Variants in CYSTM1 observed in about 807,000 individuals in gnomAD.
CYSTM1 encodes the protein cysteine rich transmembrane module containing 1.
CYSTM1 carries 4 observed loss-of-function variants against 13.1 expected under a neutral mutation model. That is an observed-to-expected ratio of 0.31 (90% CI 0.15 to 0.70). The LOEUF is 0.70. CYSTM1 is among the 30% of genes least tolerant of loss of function. The pLI is 0.72. For missense variants in CYSTM1, 96 were observed against 121.6 expected, an observed-to-expected ratio of 0.79 and a Z score of 0.99; for synonymous variants, 36 against 42.7, an observed-to-expected ratio of 0.84 and a Z score of 0.62.
chr5:140,237,676 C>G (rs1764698469), intron 2 of CYSTM1, among the ~76,000 whole-genome samples: 1 of 152,192 alleles, frequency 6.6e-6, no homozygotes, highest in Non-Finnish European at 1.5e-5. Context: ...CCTTGTCAGG[C>G]TGGTCCAGCA....
intron 1 of CYSTM1, among the ~76,000 whole-genome samples, chr5:140,179,910 G>C (rs1192917960): frequency 1.3e-5 from 2 of 152,036 alleles, no homozygotes; most frequent in African/African-American, 4.8e-5. Flanking sequence ...TGATCCACCC[G>C]CCTCAGCCTC....
Position 140,227,982 on chromosome 5 carries a change from C to T in CYSTM1, c.188-15323C>T, listed in dbSNP as rs145486382. Among the ~76,000 whole-genome samples, 138 of 152,254 alleles carry T rather than the reference C, an allele frequency of 9.1e-4. 1 individual carries two copies. The highest frequency in any genetic ancestry group is 6.3e-3 in the Admixed American group (96 of 15,306). ...GTACAAATAAAATAGATGCACTGCT[C>T]CAGACCTTGCTTTCATCCCTTAAAT... On this transcript the variant is annotated intron_variant, in intron 2 of 2. Transcript: ENST00000261811.
intron 2 of CYSTM1, among the ~76,000 whole-genome samples, chr5:140,226,492 TATAATATATATAAATATATATTA>T (rs1255657138): frequency 8.9e-6 from 1 of 112,002 alleles, no homozygotes; most frequent in Admixed American, 1.2e-4. Context: ...TTTATATATA[TATAATATATATAAATATATATTA>T]ATAATATATA....
chr5:140,238,708 T>C (rs1463053818), intron 2 of CYSTM1, among the ~76,000 whole-genome samples: 2 of 152,234 alleles, frequency 1.3e-5, no homozygotes, highest in Non-Finnish European at 2.9e-5. Context: ...TTTTTACTTA[T>C]TGGGAAAATG....
rs748399251 is a variant in CYSTM1, at chr5:140,194,649, A to G, written c.184A>G (p.Thr62Ala). Residue 62 changes from threonine to alanine, a missense_variant, in exon 2 of 3, where the codon ACA (threonine) becomes GCA (alanine). Coordinates refer to ENST00000261811, the MANE Select transcript of CYSTM1 (RefSeq NM_032412.4). ...QGGPQEPPKT[T>A]VYVVEDQRRD... ...TGGACCTCAGGAGCCTCCTAAAACC[A>G]CAGGTGTGTGTCTCTGAATATGTGG... 6.2e-7 allele frequency: 1 copy of G among 1,610,952 alleles called. No homozygotes were observed. The highest frequency in any genetic ancestry group is 8.5e-7 in the Non-Finnish European group (1 of 1,178,960).
chr5:140,226,586 T>TTTTATATATATATATATATATATATA (rs754744617), intron 2 of CYSTM1, among the ~76,000 whole-genome samples: 1 of 75,312 alleles, frequency 1.3e-5, no homozygotes, highest in African/African-American at 4.9e-5. Context: ...ATACTAAATA[T>TTTTATATATATATATATATATATATA]TATATATATA....
chr5:140,188,696 G>A (rs901910862), intron 1 of CYSTM1, among the ~76,000 whole-genome samples: 42 of 150,776 alleles, frequency 2.8e-4, no homozygotes, highest in African/African-American at 8.5e-4. Context: ...GGAGACTGGC[G>A]TGAACCCGGA....
At chr5:140,185,801 T>C (rs1398856622) in intron 1 of CYSTM1, among the ~76,000 whole-genome samples, 9 of 152,228 alleles carry the variant, frequency 5.9e-5, no homozygotes, top group African/African-American at 1.7e-4. Context: ...GAATGCCTAT[T>C]GTTGTGACTT....
intron 2 of CYSTM1, among the ~76,000 whole-genome samples, chr5:140,197,567 C>A (rs1337519944): frequency 6.6e-6 from 1 of 152,194 alleles, no homozygotes; most frequent in African/African-American, 2.4e-5. Flanking sequence ...AAGAATGTAG[C>A]CTCACTGAGT....
intron 2 of CYSTM1, among the ~76,000 whole-genome samples, chr5:140,242,684 C>T (rs1246447534): frequency 6.6e-6 from 1 of 152,148 alleles, no homozygotes; most frequent in Non-Finnish European, 1.5e-5. Context: ...TTTCCAGCTC[C>T]ATTTGGAGGA....
At chr5:140,232,547 G>A (rs986585531) in intron 2 of CYSTM1, among the ~76,000 whole-genome samples, 3 of 152,222 alleles carry the variant, frequency 2.0e-5, no homozygotes, top group African/African-American at 4.8e-5. Flanking sequence ...AACATCAAAT[G>A]TTGCTGAGAG....
At chr5:140,188,840 C>T (rs1239539579) in intron 1 of CYSTM1, among the ~76,000 whole-genome samples, 2 of 151,134 alleles carry the variant, frequency 1.3e-5, no homozygotes, top group Non-Finnish European at 2.9e-5. Context: ...AATTCCAGCA[C>T]CCAAGGAAAA....
chr5:140,187,514 A>G (rs1408777403), intron 1 of CYSTM1, among the ~76,000 whole-genome samples: 1 of 152,010 alleles, frequency 6.6e-6, no homozygotes, highest in Non-Finnish European at 1.5e-5. Context: ...CTACAGATGT[A>G]TGCCACCACA....
chr5:140,189,236 T>C (rs1308856856), intron 1 of CYSTM1, among the ~76,000 whole-genome samples: 1 of 152,162 alleles, frequency 6.6e-6, no homozygotes, highest in African/African-American at 2.4e-5. Flanking sequence ...ATGAATGGCT[T>C]GGTGTCCTCT....
intron 1 of CYSTM1, among the ~76,000 whole-genome samples, chr5:140,187,352 A>G (rs1764030407): frequency 6.6e-6 from 1 of 150,422 alleles, no homozygotes; most frequent in East Asian, 1.9e-4. Context: ...CTGCTCTCAT[A>G]GTTTTTGTTT....
At chr5:140,238,360 A>G (rs1001388766) in intron 2 of CYSTM1, among the ~76,000 whole-genome samples, 6 of 152,190 alleles carry the variant, frequency 3.9e-5, no homozygotes, top group Admixed American at 3.9e-4. Context: ...CTTACCCTTC[A>G]AACAGTCTGA....
chr5:140,243,202 G>A (rs116935733), intron 2 of CYSTM1, 103 bp from the exon 3 acceptor site: 1 of 887,234 alleles, frequency 1.1e-6, no homozygotes, highest in East Asian at 2.5e-5. Context: ...CTGCTCAATA[G>A]TTTTCCCCTG....
intron 1 of CYSTM1, among the ~76,000 whole-genome samples, chr5:140,189,452 A>G (rs531790381): frequency 6.6e-6 from 1 of 152,276 alleles, no homozygotes; most frequent in South Asian, 2.1e-4. Context: ...AGTCAGCAGA[A>G]CCATGAGCCA....
intron 2 of CYSTM1, among the ~76,000 whole-genome samples, chr5:140,195,534 T>C (rs1209694873): frequency 6.8e-6 from 1 of 147,592 alleles, no homozygotes; most frequent in African/African-American, 2.5e-5. Context: ...CTCCGCCTCC[T>C]GGGTTCACGC....
Sources: allele counts gnomAD v4.1 joint callset (sites outside exome capture counted in the v4.1 genomes callset), GRCh38; gene constraint gnomAD v4.1.1; transcripts MANE v1.5; gene names NCBI Gene and HGNC (gene_info 2026-07-23, HGNC 2026-07-21).